The following CSGALNACT1 variants were observed in gnomAD, a reference collection of about 807,000 sequenced individuals.
CSGALNACT1 encodes the protein beta4GalNAcT-1.
In CSGALNACT1, 52 loss-of-function variants were observed where a neutral mutation model predicts 51.0. The ratio of observed to expected loss-of-function variants is 1.02; its 90% CI spans 0.82 to 1.29. The LOEUF is 1.29. Ranked by LOEUF, CSGALNACT1 falls within the 50% of genes most tolerant of loss-of-function variation. The probability of loss-of-function intolerance (pLI) is 0.00; values close to 1 mark genes in which losing one functional copy is unlikely to be tolerated. For synonymous variants in CSGALNACT1, 341 were observed against 254.4 expected (o/e 1.34, Z -3.24); for missense variants, 935 against 679.2 (o/e 1.38, Z -4.19).
At chr8:19,624,851 C>G (rs7001575) in intron 1 of CSGALNACT1, among the ~76,000 whole-genome samples, 145,122 of 152,134 alleles carry the variant, frequency 0.95, 69,308 homozygotes, top group African/African-American at 0.99. Flanking sequence ...GCTAATTTTT[C>G]TATTTTTAGT....
chr8:19,542,464 C>A (rs1043622637), intron 3 of CSGALNACT1, among the ~76,000 whole-genome samples: 2 of 152,138 alleles, frequency 1.3e-5, no homozygotes, highest in African/African-American at 4.8e-5. Context: ...GTCTCCCAGT[C>A]CCAGAGCCCT....
chr8:19,719,251 A>C (rs1404072418), intron 1 of CSGALNACT1, among the ~76,000 whole-genome samples: 1 of 152,150 alleles, frequency 6.6e-6, no homozygotes, highest in African/African-American at 2.4e-5. Context: ...GCCACATTGC[A>C]TGCATTTTTT....
At chr8:19,558,759 T>A (rs1471929934) in intron 3 of CSGALNACT1, among the ~76,000 whole-genome samples, 1 of 152,130 alleles carries the variant, frequency 6.6e-6, no homozygotes, top group Non-Finnish European at 1.5e-5. Context: ...AATTTAGAGA[T>A]TTAAATAGAA....
intron 1 of CSGALNACT1, among the ~76,000 whole-genome samples, chr8:19,643,159 A>C (rs1035316708): frequency 6.6e-6 from 1 of 152,104 alleles, no homozygotes; most frequent in Non-Finnish European, 1.5e-5. Context: ...ATGAACTATT[A>C]ATACAGTAAA....
chr8:19,660,989 T>G (rs2058702828), intron 1 of CSGALNACT1, among the ~76,000 whole-genome samples: 1 of 152,150 alleles, frequency 6.6e-6, no homozygotes, highest in South Asian at 2.1e-4. Flanking sequence ...CTCAGCTCAT[T>G]GCAACCTCTG....
intron 1 of CSGALNACT1, among the ~76,000 whole-genome samples, chr8:19,627,650 C>G (rs1234958511): frequency 6.6e-6 from 1 of 152,102 alleles, no homozygotes; most frequent in Non-Finnish European, 1.5e-5. Context: ...AAAGCGAGAC[C>G]TGTCTCGAAA....
chr8:19,697,442 C>A (rs925947824), intron 1 of CSGALNACT1, among the ~76,000 whole-genome samples: 2 of 152,158 alleles, frequency 1.3e-5, no homozygotes, highest in Non-Finnish European at 2.9e-5. Context: ...AATGTCCAGA[C>A]AGAACCACAA....
chr8:19,484,847 G>A (rs1452663596), intron 4 of CSGALNACT1, among the ~76,000 whole-genome samples: 2 of 152,122 alleles, frequency 1.3e-5, no homozygotes, highest in African/African-American at 4.8e-5. Flanking sequence ...AATAAAAGGA[G>A]GACATTTGGA....
intron 1 of CSGALNACT1, among the ~76,000 whole-genome samples, chr8:19,652,528 C>G (rs138308565): frequency 3.4e-4 from 52 of 152,262 alleles, no homozygotes; most frequent in African/African-American, 1.1e-3. Context: ...GTCACTCCTT[C>G]AATTCATCCT....
At chr8:19,700,268 G>A (rs1026200702) in intron 1 of CSGALNACT1, among the ~76,000 whole-genome samples, 4 of 151,882 alleles carry the variant, frequency 2.6e-5, no homozygotes, top group African/African-American at 4.8e-5. Context: ...CTATTTCCGG[G>A]TGTGTGATCT....
chr8:19,726,096 G>T lies in CSGALNACT1; in HGVS notation c.-297+31754C>A, dbSNP rs547754667. Among the ~76,000 whole-genome samples, 114 of 152,166 alleles carry T rather than the reference G, an allele frequency of 7.5e-4. 2 individuals are homozygous for T. The Middle Eastern group carries it at 0.014, about 18-fold the overall frequency. Reference sequence around the variant, plus strand: ...CATATTACCTAGGGAAAGTCATGCGGCCTTGAATTTCCTAACAAAATACTG... The same window carrying T: ...CATATTACCTAGGGAAAGTCATGCGTCCTTGAATTTCCTAACAAAATACTG... On this transcript the variant is annotated intron_variant, in intron 1 of 1. Transcript: ENST00000517494.
chr8:19,481,958 G>A (rs2071510981), intron 4 of CSGALNACT1, among the ~76,000 whole-genome samples: 1 of 152,170 alleles, frequency 6.6e-6, no homozygotes, highest in Non-Finnish European at 1.5e-5. Flanking sequence ...GAGTGCAGGG[G>A]GCTTTTTTTT....
chr8:19,550,154 A>G (rs1368113488), intron 3 of CSGALNACT1, among the ~76,000 whole-genome samples: 2 of 151,604 alleles, frequency 1.3e-5, no homozygotes, highest in African/African-American at 2.4e-5. Flanking sequence ...TTGCTTTTTT[A>G]GGTTTTTGTT....
At chr8:19,553,145 G>A (rs1287568297) in intron 3 of CSGALNACT1, among the ~76,000 whole-genome samples, 2 of 152,154 alleles carry the variant, frequency 1.3e-5, no homozygotes, top group Admixed American at 1.3e-4. Context: ...AGACCTCTAT[G>A]TGAGAAACAA....
chr8:19,682,924 T>C, upstream of CSGALNACT1: 2 of 339,976 alleles, frequency 5.9e-6, no homozygotes, highest in South Asian at 2.3e-5. Context: ...GAAATCCCAA[T>C]TACCTGTACT....
At chr8:19,449,076 A>T (rs1004465507) in intron 5 of CSGALNACT1, among the ~76,000 whole-genome samples, 2 of 152,174 alleles carry the variant, frequency 1.3e-5, no homozygotes, top group African/African-American at 4.8e-5. Context: ...AGTGTTAAGA[A>T]ATGAGTGAAT....
chr8:19,436,161 T>G (rs991688151), intron 6 of CSGALNACT1, among the ~76,000 whole-genome samples: 3 of 152,206 alleles, frequency 2.0e-5, no homozygotes, highest in Non-Finnish European at 2.9e-5. Context: ...TAAACAAGAT[T>G]TTTAAAAAGA....
chr8:19,564,399 A>AT (rs34403400), intron 3 of CSGALNACT1, among the ~76,000 whole-genome samples: 2,450 of 143,636 alleles, frequency 0.017, 26 homozygotes, highest in African/African-American at 0.033. Context: ...AGGTTCAGGT[A>AT]TTTTTTTTTT....
intron 3 of CSGALNACT1, among the ~76,000 whole-genome samples, chr8:19,539,289 C>T (rs1158628357): frequency 6.6e-6 from 1 of 152,162 alleles, no homozygotes; most frequent in Non-Finnish European, 1.5e-5. Context: ...CAAATTTGCT[C>T]ATTCTACATA....
Sources: gnomAD v4.1 joint callset for allele counts (sites outside exome capture counted in the v4.1 genomes callset) on GRCh38, gnomAD v4.1.1 for gene constraint, MANE v1.5 for transcripts, NCBI Gene and HGNC (gene_info 2026-07-23, HGNC 2026-07-21) for gene names.